Variants in BACH2 observed in about 807,000 individuals in gnomAD.
BACH2 encodes BACH transcriptional regulator 2, also known as transcription regulator protein BACH2.
BACH2 carries 5 observed loss-of-function variants against 61.8 expected under a neutral mutation model. That is an observed-to-expected ratio of 0.08 (90% CI 0.04 to 0.17). The LOEUF is 0.17. Ranked by LOEUF, BACH2 falls within the 10% of genes least tolerant of loss-of-function variation. The pLI is 1.00. For synonymous variants in BACH2, 446 were observed against 440.1 expected (o/e 1.01, Z -0.17); for missense variants, 824 against 1,091.1 (o/e 0.76, Z 3.45).
chr6:90,161,042 C>T (rs890517436), intron 4 of BACH2, among the ~76,000 whole-genome samples: 6 of 137,926 alleles, frequency 4.4e-5, no homozygotes, highest in African/African-American at 5.6e-5. Context: ...GAGCCGAGAT[C>T]GGGCCACTGC....
intron 4 of BACH2, among the ~76,000 whole-genome samples, chr6:90,186,460 T>TG (rs770169892): frequency 1.1e-4 from 17 of 150,564 alleles, no homozygotes; most frequent in Non-Finnish European, 2.5e-4. Context: ...AGTAGCTTTT[T>TG]GTTTTTTTAG....
chr6:90,079,792 C>G (rs1466767966), intron 5 of BACH2, among the ~76,000 whole-genome samples: 1 of 152,164 alleles, frequency 6.6e-6, no homozygotes, highest in Non-Finnish European at 1.5e-5. Flanking sequence ...CTGGGCCACC[C>G]ACACTGCCCC....
At chr6:90,294,830 G>A (rs1468212183) in intron 1 of BACH2, among the ~76,000 whole-genome samples, 1 of 152,154 alleles carries the variant, frequency 6.6e-6, no homozygotes, top group Non-Finnish European at 1.5e-5. Context: ...GCAGCAAGAC[G>A]TGCCTTTCCT....
intron 8 of BACH2, among the ~76,000 whole-genome samples, chr6:89,935,186 G>A (rs1439039517): frequency 1.3e-5 from 2 of 152,016 alleles, no homozygotes; most frequent in African/African-American, 2.4e-5. Flanking sequence ...AAGCTGCTCC[G>A]CCCACCAGCG....
At chr6:90,143,183 G>A (rs917607874) in intron 4 of BACH2, among the ~76,000 whole-genome samples, 6 of 152,184 alleles carry the variant, frequency 3.9e-5, no homozygotes, top group Admixed American at 3.9e-4. Flanking sequence ...AGAAAGGTCA[G>A]GCACCAGACA....
chr6:90,029,706 A>G (rs1281718105), intron 5 of BACH2, among the ~76,000 whole-genome samples: 1 of 152,194 alleles, frequency 6.6e-6, no homozygotes, highest in African/African-American at 2.4e-5. Context: ...CAACAGGTCC[A>G]TATGTCACTT....
intron 5 of BACH2, among the ~76,000 whole-genome samples, chr6:90,020,780 C>T (rs1778328415): frequency 6.6e-6 from 1 of 152,012 alleles, no homozygotes; most frequent in African/African-American, 2.4e-5. Flanking sequence ...AAACAACATT[C>T]CCCTCCGCCC....
intron 4 of BACH2, among the ~76,000 whole-genome samples, chr6:90,133,695 C>T (rs989347270): frequency 1.5e-4 from 23 of 152,130 alleles, no homozygotes; most frequent in Admixed American, 3.3e-4. Context: ...TCCACCCTCC[C>T]CACACCCCAC....
At chr6:89,938,663 G>C (rs1773176010) in intron 7 of BACH2, among the ~76,000 whole-genome samples, 1 of 152,180 alleles carries the variant, frequency 6.6e-6, no homozygotes, top group South Asian at 2.1e-4. Context: ...ATTCTAGTTA[G>C]TTGAAATGTA....
chr6:90,276,304 T>C (rs1394762512), intron 1 of BACH2, among the ~76,000 whole-genome samples: 1 of 152,236 alleles, frequency 6.6e-6, no homozygotes, highest in Admixed American at 6.5e-5. Flanking sequence ...ATTTCCCATG[T>C]AACATGCCTA....
chr6:90,214,751 C>CTTTTTT (rs563651580), intron 3 of BACH2, among the ~76,000 whole-genome samples: 2 of 94,280 alleles, frequency 2.1e-5, no homozygotes, highest in Non-Finnish European at 2.1e-5. Context: ...GATTCTGTTC[C>CTTTTTT]TTTTTTTTTT....
At position 89,951,130 on chromosome 6, in the gene BACH2, C is replaced by T; in HGVS notation, c.976G>A (p.Ala326Thr). 2 of 1,602,498 alleles carry T rather than the reference C, an allele frequency of 1.2e-6. No individual in the cohort carries two copies. Among genetic ancestry groups the T allele is most frequent in the Non-Finnish European group, 1.7e-6 (2 of 1,175,326 alleles). ...CTCCTGGATCTCTCCAGGCAGGCGG[C>T]CCCAGCTGGGGCCGTGGGGGTAGGG... ...PAPTPTAPAGAACLERSRSVA... is the reference protein window; with the variant it reads ...PAPTPTAPAGTACLERSRSVA... The change falls in exon 7 of 9, where the codon GCC (alanine) becomes ACC (threonine). Residue 326 changes from alanine to threonine, a missense_variant. This residue lies in a region of BACH2 where 226 missense variants were observed against 228.5 expected (regional missense o/e 0.99). Coordinates refer to ENST00000257749, the MANE Select transcript of BACH2 (RefSeq NM_021813.4). The surrounding 1 kb of genome is among the most constrained non-coding windows in gnomAD (Gnocchi z 6.4).
intron 4 of BACH2, among the ~76,000 whole-genome samples, chr6:90,182,557 T>A (rs1768205453): frequency 6.6e-6 from 1 of 152,234 alleles, no homozygotes; most frequent in South Asian, 2.1e-4. Context: ...CTCATGAGTA[T>A]GGTCTCACTC....
At chr6:89,944,152 G>T (rs1049031122) in intron 7 of BACH2, among the ~76,000 whole-genome samples, 2 of 152,222 alleles carry the variant, frequency 1.3e-5, no homozygotes, top group African/African-American at 4.8e-5. Flanking sequence ...TTAATTAGTT[G>T]TGTGATCTCA....
At chr6:90,158,274 G>C (rs1785062240) in intron 4 of BACH2, among the ~76,000 whole-genome samples, 1 of 152,096 alleles carries the variant, frequency 6.6e-6, no homozygotes, top group Non-Finnish European at 1.5e-5. Flanking sequence ...AAAAATATTA[G>C]ACCATTTGTT....
chr6:90,032,012 A>T (rs1779009947), intron 5 of BACH2, among the ~76,000 whole-genome samples: 1 of 152,240 alleles, frequency 6.6e-6, no homozygotes, highest in Non-Finnish European at 1.5e-5. Flanking sequence ...ACAGACATAT[A>T]GACCAATGGA....
chr6:90,268,854 TG>T (rs1434445358), intron 2 of BACH2, among the ~76,000 whole-genome samples: 1 of 152,246 alleles, frequency 6.6e-6, no homozygotes, highest in African/African-American at 2.4e-5. Context: ...CAAACTCTTA[TG>T]AAAAAAGATA....
At chr6:90,239,352 A>G (rs1770360312) in intron 3 of BACH2, among the ~76,000 whole-genome samples, 1 of 152,224 alleles carries the variant, frequency 6.6e-6, no homozygotes, top group African/African-American at 2.4e-5. Context: ...TCCCAGACAT[A>G]AGAAGTAAAT....
chr6:90,139,220 TC>T (rs1465661841), intron 4 of BACH2, among the ~76,000 whole-genome samples: 2 of 152,228 alleles, frequency 1.3e-5, no homozygotes, highest in Admixed American at 1.3e-4. Flanking sequence ...TTATCCTTTC[TC>T]CACCCTTTTC....
Sources: gnomAD v4.1 joint callset for allele counts (sites outside exome capture counted in the v4.1 genomes callset) on GRCh38, gnomAD v4.1.1 for gene constraint, gnomAD v4.1.1 regional missense constraint, Gnocchi (gnomAD v3.1) non-coding constraint, MANE v1.5 for transcripts, NCBI Gene and HGNC (gene_info 2026-07-23, HGNC 2026-07-21) for gene names.